The following SMARCA2 variants were observed in gnomAD, a reference collection of about 807,000 sequenced individuals.
SMARCA2 encodes SWI/SNF related BAF chromatin remodeling complex subunit ATPase 2.
Under a neutral mutation model 199.8 loss-of-function variants are expected in SMARCA2, and 61 were observed. The observed-to-expected ratio is 0.31, with a 90% CI of 0.25 to 0.38. SMARCA2 has a LOEUF of 0.38. SMARCA2 is among the 10% of genes least tolerant of loss of function. The probability of loss-of-function intolerance (pLI) is 1.00; values close to 1 mark genes in which losing one functional copy is unlikely to be tolerated. For missense variants in SMARCA2, 1,344 were observed against 2,012.2 expected (o/e 0.67, Z 6.35); for synonymous variants, 935 against 732.0 (o/e 1.28, Z -4.48).
intron 3 of SMARCA2, among the ~76,000 whole-genome samples, chr9:2,033,718 G>A (rs1474965523): frequency 6.6e-6 from 1 of 152,222 alleles, no homozygotes; most frequent in African/African-American, 2.4e-5. Flanking sequence ...TCTCTCTGAA[G>A]GCTTTAGAGA....
intron 3 of SMARCA2, among the ~76,000 whole-genome samples, chr9:2,035,940 T>TTTTTTTAAAA (rs1819311756): frequency 6.6e-6 from 1 of 152,188 alleles, no homozygotes; most frequent in Non-Finnish European, 1.5e-5. Flanking sequence ...AAAAACTCAC[T>TTTTTTTAAAA]GTGAAAAGCC....
chr9:2,050,260 T>C (rs1453296342), intron 5 of SMARCA2, among the ~76,000 whole-genome samples: 7 of 152,188 alleles, frequency 4.6e-5, no homozygotes, highest in Non-Finnish European at 1.0e-4. Flanking sequence ...TGACCATCTT[T>C]CTCTTATAAT....
intron 5 of SMARCA2, among the ~76,000 whole-genome samples, chr9:2,049,169 T>C (rs1319384161): frequency 6.6e-6 from 1 of 152,214 alleles, no homozygotes; most frequent in Non-Finnish European, 1.5e-5. Context: ...TTTTTACATA[T>C]GTCTAGACTT....
rs374007284 is a variant in SMARCA2, at chr9:2,124,032, T to C, written c.3981+95T>C. On this transcript the variant is annotated intron_variant, in intron 27 of 33. Transcript: ENST00000349721. ...CTAGAGCTGGGATTTTCTGAGGAGG[T>C]TGAGTTCGCAATCAAAGGGAAGGGG... The C allele has an allele frequency of 2.3e-5, 22 of 959,304 alleles. No homozygotes were observed. In the East Asian group the frequency reaches 3.4e-4, roughly 15 times the overall value. The allele number at this position is 959,304 out of a possible 1,614,324, so 59.4% of individuals were successfully genotyped here.
At chr9:2,020,664 C>G (rs1242792230) in intron 1 of SMARCA2, among the ~76,000 whole-genome samples, 1 of 152,116 alleles carries the variant, frequency 6.6e-6, no homozygotes, top group Non-Finnish European at 1.5e-5. Context: ...TATTATTACC[C>G]ATGTTAATAT....
intron 27 of SMARCA2, among the ~76,000 whole-genome samples, chr9:2,130,346 G>C (rs190430550): frequency 6.6e-6 from 1 of 152,242 alleles, no homozygotes; most frequent in African/African-American, 2.4e-5. Flanking sequence ...CCCGGTCCTC[G>C]GCCTTGTCGT....
intron 29 of SMARCA2, among the ~76,000 whole-genome samples, chr9:2,174,924 C>CAAAAAAAAAAAAAAAAAAAAAAAA (rs61327057): frequency 1.6e-5 from 1 of 62,320 alleles, no homozygotes; most frequent in African/African-American, 7.2e-5. Flanking sequence ...GACCCTCTCT[C>CAAAAAAAAAAAAAAAAAAAAAAAA]AAAAAAAAAA....
intron 3 of SMARCA2, among the ~76,000 whole-genome samples, chr9:2,034,106 G>A (rs973697631): frequency 6.6e-5 from 10 of 152,000 alleles, no homozygotes; most frequent in Non-Finnish European, 1.2e-4. Context: ...TCAGCTGGGC[G>A]TGGTGGCACA....
At chr9:2,166,349 G>C (rs771360192) in intron 28 of SMARCA2, among the ~76,000 whole-genome samples, 6 of 152,104 alleles carry the variant, frequency 3.9e-5, no homozygotes, top group Admixed American at 3.9e-4. Flanking sequence ...ACTCAAGGGT[G>C]TGTTTACTTT....
At chr9:2,138,323 A>G (rs748052649) in intron 27 of SMARCA2, among the ~76,000 whole-genome samples, 1 of 151,928 alleles carries the variant, frequency 6.6e-6, no homozygotes, top group Non-Finnish European at 1.5e-5. Context: ...TATGTTAAAG[A>G]ATGAATTGTC....
intron 27 of SMARCA2, among the ~76,000 whole-genome samples, chr9:2,124,791 C>A (rs933498640): frequency 6.6e-6 from 1 of 152,156 alleles, no homozygotes; most frequent in Non-Finnish European, 1.5e-5. Context: ...TGTGTGAACA[C>A]TGAGGCCCGG....
In SMARCA2 at chr9:2,039,212, C is replaced by T. The variant is rs1261870931; in HGVS notation, c.356-254C>T. ...TGGGTATGTTGGTTTAAGTAAAATA[C>T]ATTTAAATTAACTTTACCTGCTTTT... On this transcript the variant is annotated intron_variant, in intron 3 of 33. Transcript: ENST00000349721. The surrounding 1 kb of genome is among the most constrained non-coding windows in gnomAD (Gnocchi z 4.8). Among the ~76,000 whole-genome samples the T allele has an allele frequency of 1.3e-5, 2 of 149,012 alleles. No individual in the cohort carries two copies. The highest frequency in any genetic ancestry group is 4.9e-5 in the African/African-American group (2 of 40,706).
At chr9:2,058,550 GAAAAAATGAAAACTGCTTATC>G in intron 8 of SMARCA2, 86 bp downstream of exon 8, 1 of 1,128,888 alleles carries the variant, frequency 8.9e-7, no homozygotes, top group South Asian at 1.4e-5. Context: ...GTAGTAGAAG[GAAAAAATGAAAACTGCTTATC>G]AAAAATTTTA....
chr9:2,140,197 G>A (rs7035986), intron 27 of SMARCA2, among the ~76,000 whole-genome samples: 56,667 of 152,110 alleles, frequency 0.37, 14,597 homozygotes, highest in African/African-American at 0.73. Context: ...CCTGCATACT[G>A]TCTAGAAGAA....
intron 29 of SMARCA2, among the ~76,000 whole-genome samples, chr9:2,178,583 G>A (rs1006698916): frequency 2.0e-5 from 3 of 151,966 alleles, no homozygotes; most frequent in Non-Finnish European, 4.4e-5. Context: ...TTTCTGGCCG[G>A]GGGCAGGGTG....
intron 27 of SMARCA2, among the ~76,000 whole-genome samples, chr9:2,130,515 A>G (rs1452212179): frequency 6.6e-6 from 1 of 152,228 alleles, no homozygotes; most frequent in Non-Finnish European, 1.5e-5. Flanking sequence ...GCTCAAGGCA[A>G]TGAGTAACTC....
chr9:2,098,665 TGGG>T (rs991224980), intron 21 of SMARCA2, among the ~76,000 whole-genome samples: 1 of 152,136 alleles, frequency 6.6e-6, no homozygotes, highest in African/African-American at 2.4e-5. Context: ...ATCTCATGGC[TGGG>T]TGCAGGGGGC....
At chr9:2,074,865 G>A (rs892903882) in intron 12 of SMARCA2, among the ~76,000 whole-genome samples, 1 of 152,156 alleles carries the variant, frequency 6.6e-6, no homozygotes, top group African/African-American at 2.4e-5. Flanking sequence ...ATCCTGTTTT[G>A]TTGTGTTTTG....
rs374161651 is a variant in SMARCA2, at chr9:2,182,131, T to C, written c.4360-10T>C. The C allele has an allele frequency of 1.7e-5, 27 of 1,563,422 alleles. No individual in the cohort carries two copies. Among genetic ancestry groups the C allele is most frequent in the Non-Finnish European group, 2.4e-5 (27 of 1,135,466 alleles). On this transcript the variant is annotated splice_polypyrimidine_tract_variant and intron_variant, in intron 30 of 33. Coordinates refer to ENST00000349721, the MANE Select transcript of SMARCA2 (RefSeq NM_003070.5). ...CTTTTTTTCTCCATTTTCTCCAAAA[T>C]TTCCATCAGGAAAGGATTCGTAATC...
Sources: allele counts gnomAD v4.1 joint callset (sites outside exome capture counted in the v4.1 genomes callset), GRCh38; gene constraint gnomAD v4.1.1; non-coding constraint Gnocchi (gnomAD v3.1); transcripts MANE v1.5; gene names NCBI Gene and HGNC (gene_info 2026-07-23, HGNC 2026-07-21).